The following NAA60 variants were observed in gnomAD, a reference collection of about 807,000 sequenced individuals.
NAA60 encodes N-alpha-acetyltransferase 60.
Under a neutral mutation model 26.1 loss-of-function variants are expected in NAA60, and 8 were observed. The observed-to-expected ratio is 0.31, with a 90% CI of 0.18 to 0.55. The LOEUF is 0.55. Ranked by LOEUF, NAA60 falls within the 20% of genes least tolerant of loss-of-function variation. The pLI is 0.93. For missense variants in NAA60, 290 were observed against 311.3 expected, an observed-to-expected ratio of 0.93 and a Z score of 0.51; for synonymous variants, 131 against 122.5, an observed-to-expected ratio of 1.07 and a Z score of -0.46.
chr16:3,472,308 A>G (rs1479506218), intron 2 of NAA60: 3 of 152,258 alleles, frequency 2.0e-5, no homozygotes, highest in African/African-American at 7.2e-5. Flanking sequence ...AGTGCGGACA[A>G]CAGAGGCCTT....
Position 3,468,264 on chromosome 16 carries a change from C to A in NAA60, c.-6-7958C>A, listed in dbSNP as rs78988757. 946 of 152,314 alleles carry A rather than the reference C, an allele frequency of 6.2e-3. 6 individuals carry two copies. The highest frequency in any genetic ancestry group is 0.014 in the Middle Eastern group (4 of 294). The allele number at this position is 152,314 out of a possible 1,614,324, so 9.4% of individuals were successfully genotyped here. On this transcript the variant is annotated intron_variant, in intron 2 of 7. Transcript: ENST00000407558. ...ATCAGAGGTACTTTCAGTTCTTGAT[C>A]TGCTTGGTAGAAAAGCAGGTCGGTG...
At chr16:3,475,106 T>C (rs1288124783) in intron 2 of NAA60, among the ~76,000 whole-genome samples, 5 of 150,918 alleles carry the variant, frequency 3.3e-5, no homozygotes, top group Admixed American at 1.3e-4. Context: ...TTTTTTTTTT[T>C]TGAGATGGAG....
chr16:3,443,842 G>C lies in NAA60; in HGVS notation c.-77+5G>C. 1 of 1,533,828 alleles carries C rather than the reference G, an allele frequency of 6.5e-7. No individual in the cohort carries two copies. Among genetic ancestry groups the C allele is most frequent in the Non-Finnish European group, 8.7e-7 (1 of 1,145,888 alleles). ...AAAGAAAATCGGTAACAAAATGTGG[G>C]TTCGGCCAACAGTGCCCTGTAGGCC... is the stretch of plus-strand genomic sequence containing the variant. On this transcript the variant is annotated splice_donor_5th_base_variant and intron_variant, in intron 1 of 7. Coordinates refer to ENST00000407558, the MANE Select transcript of NAA60 (RefSeq NM_001083601.3).
rs982842682 is a variant in NAA60 at position 3,482,068 on chromosome 16, C to T, written c.241-434C>T. On this transcript the variant is annotated intron_variant, in intron 4 of 7. Transcript: ENST00000407558. ...ACTCCTCCAAGATCACCTGGGGCAG[C>T]GTGCGATTCTTTAACTGAACCTCTA... 3.3e-5 allele frequency among the ~76,000 whole-genome samples: 5 copies of T among 152,158 alleles called. 1 individual carries two copies. The South Asian group carries it at 6.2e-4, about 19-fold the overall frequency.
chr16:3,447,352 C>T (rs1191231492), intron 1 of NAA60: 1 of 405,998 alleles, frequency 2.5e-6, no homozygotes. Flanking sequence ...TTATGTGGTA[C>T]ATGAAATATT....
intron 2 of NAA60, among the ~76,000 whole-genome samples, chr16:3,461,216 A>G (rs1306079048): frequency 6.6e-6 from 1 of 150,510 alleles, no homozygotes; most frequent in Non-Finnish European, 1.5e-5. Context: ...TCTGCTATGA[A>G]CACTAAGGCA....
chr16:3,444,016 G>C (rs1443803309), intron 1 of NAA60, 179 bp downstream of exon 1: 6 of 1,221,890 alleles, frequency 4.9e-6, no homozygotes, highest in Non-Finnish European at 6.4e-6. Context: ...CGTTCACATC[G>C]GTGTAGGCCA....
chr16:3,458,506 C>T (rs532697530), intron 2 of NAA60, among the ~76,000 whole-genome samples: 2 of 152,280 alleles, frequency 1.3e-5, no homozygotes, highest in East Asian at 3.9e-4. Context: ...CAATTTGCAA[C>T]TAGAGGGTGG....
At chr16:3,448,948 C>T in intron 2 of NAA60, 1 of 163,498 alleles carries the variant, frequency 6.1e-6, no homozygotes, top group Non-Finnish European at 1.3e-5. Context: ...TCATCCTGTG[C>T]CACCTCTGGT....
intron 2 of NAA60, among the ~76,000 whole-genome samples, chr16:3,466,318 G>A (rs578048000): frequency 1.3e-5 from 2 of 152,190 alleles, no homozygotes; most frequent in Admixed American, 6.5e-5. Context: ...AAATAGAGTG[G>A]TGGGTGTTTG....
intron 2 of NAA60, among the ~76,000 whole-genome samples, chr16:3,475,556 C>T (rs1194430407): frequency 1.3e-5 from 2 of 152,108 alleles, no homozygotes; most frequent in East Asian, 3.9e-4. Context: ...CTCCTCCCGC[C>T]CCTGGATTGG....
intron 4 of NAA60, 146 bp downstream of exon 4, chr16:3,479,746 C>A (rs1173521390): frequency 2.3e-6 from 2 of 873,484 alleles, no homozygotes; most frequent in Non-Finnish European, 3.4e-6. Context: ...CGACACTTGT[C>A]CCTGGCTGGT....
chr16:3,473,356 A>AGTC (rs2036271596), intron 2 of NAA60, among the ~76,000 whole-genome samples: 1 of 152,204 alleles, frequency 6.6e-6, no homozygotes, highest in South Asian at 2.1e-4. Flanking sequence ...AGAAGGCAAA[A>AGTC]GTCACGTCTT....
At chr16:3,483,021 G>A (rs1465363025) in intron 5 of NAA60, 1 of 471,242 alleles carries the variant, frequency 2.1e-6, no homozygotes. Context: ...GCCAGTGAGC[G>A]GCAGAGTCTT....
At chr16:3,481,552 C>G (rs1166450279) in intron 4 of NAA60, among the ~76,000 whole-genome samples, 1 of 152,174 alleles carries the variant, frequency 6.6e-6, no homozygotes, top group Non-Finnish European at 1.5e-5. Context: ...TTTGTGTTCC[C>G]TCGAGGCCGA....
chr16:3,445,506 C>T (rs2034516395), intron 1 of NAA60, among the ~76,000 whole-genome samples: 1 of 151,566 alleles, frequency 6.6e-6, no homozygotes, highest in South Asian at 2.1e-4. Flanking sequence ...GTCTCGATCT[C>T]GTGACCTCAT....
intron 2 of NAA60, among the ~76,000 whole-genome samples, chr16:3,466,700 C>T (rs897265915): frequency 6.6e-6 from 1 of 152,092 alleles, no homozygotes; most frequent in Non-Finnish European, 1.5e-5. Flanking sequence ...GAGCAGAAGC[C>T]TGGTGTGCTA....
chr16:3,478,403 C>G (rs1357385414), intron 3 of NAA60, among the ~76,000 whole-genome samples: 1 of 152,220 alleles, frequency 6.6e-6, no homozygotes, highest in Non-Finnish European at 1.5e-5. Flanking sequence ...GCCACCCAGC[C>G]TGCCTGTCTC....
At chr16:3,448,285 A>AC (rs1282686653) in intron 1 of NAA60, among the ~76,000 whole-genome samples, 186 bp from the exon 2 acceptor site, 1 of 151,070 alleles carries the variant, frequency 6.6e-6, no homozygotes. Context: ...AAAAAAAAAA[A>AC]AAAAAAAACA....
Sources: allele counts gnomAD v4.1 joint callset (sites outside exome capture counted in the v4.1 genomes callset), GRCh38; gene constraint gnomAD v4.1.1; transcripts MANE v1.5; gene names NCBI Gene and HGNC (gene_info 2026-07-23, HGNC 2026-07-21).